KIAA1217: variants seen among roughly 807,000 people sequenced by gnomAD.
KIAA1217 encodes the protein KIAA1217.
A neutral mutation model predicts 163.9 loss-of-function variants in KIAA1217; 88 were observed. The observed-to-expected ratio is 0.54, with a 90% confidence interval of 0.45 to 0.64. The LOEUF (loss-of-function observed/expected upper bound fraction) is 0.64, where lower values mean the gene tolerates loss of function less well. KIAA1217 is among the 30% of genes least tolerant of loss of function. The pLI is 0.00. For synonymous variants in KIAA1217, 903 were observed against 923.1 expected, an observed-to-expected ratio of 0.98 and a Z score of 0.39; for missense variants, 2,372 against 2,475.0, an observed-to-expected ratio of 0.96 and a Z score of 0.88.
At chr10:23,860,591 A>G (rs1195766644) in intron 1 of KIAA1217, among the ~76,000 whole-genome samples, 1 of 152,154 alleles carries the variant, frequency 6.6e-6, no homozygotes, top group African/African-American at 2.4e-5. Flanking sequence ...TTCTTCCTTT[A>G]TGTGTAAACA....
At chr10:24,037,780 C>G (rs1337654426) in intron 2 of KIAA1217, among the ~76,000 whole-genome samples, 2 of 152,220 alleles carry the variant, frequency 1.3e-5, no homozygotes, top group Non-Finnish European at 2.9e-5. Flanking sequence ...TCATTGTGAT[C>G]TAATGGCTAC....
chr10:24,226,927 T>G (rs1276822964), intron 2 of KIAA1217, among the ~76,000 whole-genome samples: 1 of 152,022 alleles, frequency 6.6e-6, no homozygotes, highest in Non-Finnish European at 1.5e-5. Flanking sequence ...CCACTCCTAG[T>G]CTCAGAAACC....
chr10:23,954,706 C>G (rs1163641477), intron 1 of KIAA1217, among the ~76,000 whole-genome samples: 4 of 152,034 alleles, frequency 2.6e-5, no homozygotes, highest in Non-Finnish European at 4.4e-5. Flanking sequence ...ATTATCTGCT[C>G]TATGCTGGGA....
At chr10:24,427,754 C>T (rs781098964) in intron 3 of KIAA1217, among the ~76,000 whole-genome samples, 2 of 152,150 alleles carry the variant, frequency 1.3e-5, no homozygotes, top group Non-Finnish European at 2.9e-5. Context: ...TAACTTGGAG[C>T]GAGGAAGCCT....
At chr10:23,962,894 G>A (rs1194693246) in intron 1 of KIAA1217, among the ~76,000 whole-genome samples, 1 of 152,162 alleles carries the variant, frequency 6.6e-6, no homozygotes, top group Non-Finnish European at 1.5e-5. Flanking sequence ...AGCATACAGG[G>A]AGGTGGACAC....
intron 1 of KIAA1217, among the ~76,000 whole-genome samples, chr10:23,905,212 G>T (rs938075660): frequency 2.7e-5 from 4 of 149,210 alleles, no homozygotes; most frequent in Non-Finnish European, 4.4e-5. Flanking sequence ...TGCAGAGAGA[G>T]TTCTTGGGTG....
chr10:24,102,486 A>G (rs899420155), intron 2 of KIAA1217, among the ~76,000 whole-genome samples: 42 of 152,228 alleles, frequency 2.8e-4, no homozygotes, highest in African/African-American at 8.7e-4. Flanking sequence ...TATAGATTCA[A>G]TGAAATCCTA....
chr10:23,976,194 G>A (rs12249721), intron 1 of KIAA1217, among the ~76,000 whole-genome samples: 1 of 152,014 alleles, frequency 6.6e-6, no homozygotes, highest in African/African-American at 2.4e-5. Context: ...ATGAAGAATC[G>A]AGTTGCATCT....
chr10:24,547,258 G>A lies in KIAA1217; in HGVS notation c.*934G>A, dbSNP rs1050167129. On this transcript the variant is annotated 3_prime_UTR_variant, in exon 21 of 21. Transcript: ENST00000376454. ...ATACATAGACATAAAAATACTGTAT[G>A]TGACAGCACATAGAGTAGTTTTCCC... The A allele has an allele frequency of 5.2e-5, 8 of 152,460 alleles. No individual in the cohort carries two copies. Among genetic ancestry groups the A allele is most frequent in the African/African-American group, 1.4e-4 (6 of 41,412 alleles). 9.4% of individuals were successfully genotyped at this position (152,460 alleles called of 1,614,324 possible). A position where few individuals can be genotyped will look rare whatever the true frequency, so the allele number is the denominator to read the frequency against.
intron 1 of KIAA1217, among the ~76,000 whole-genome samples, chr10:24,209,782 A>G (rs1049151629): frequency 1.3e-5 from 2 of 152,228 alleles, no homozygotes; most frequent in Non-Finnish European, 2.9e-5. Context: ...GGGCTTGAGC[A>G]TCTGGGTGAT....
At chr10:23,770,441 C>T (rs1192829927) in intron 1 of KIAA1217, among the ~76,000 whole-genome samples, 1 of 152,238 alleles carries the variant, frequency 6.6e-6, no homozygotes, top group African/African-American at 2.4e-5. Flanking sequence ...CAATTTCTAC[C>T]AGCTACTCAC....
At chr10:23,906,199 G>A (rs989473575) in intron 1 of KIAA1217, among the ~76,000 whole-genome samples, 19 of 151,876 alleles carry the variant, frequency 1.3e-4, no homozygotes, top group African/African-American at 4.6e-4. Context: ...GTTGCATTGG[G>A]GATTAAGTTG....
chr10:23,791,185 A>G (rs1835931814), intron 1 of KIAA1217, among the ~76,000 whole-genome samples: 1 of 152,224 alleles, frequency 6.6e-6, no homozygotes. Flanking sequence ...TAATAATCAT[A>G]TGATTTCTGG....
intron 2 of KIAA1217, among the ~76,000 whole-genome samples, chr10:24,347,856 C>T (rs1272270162): frequency 1.3e-5 from 2 of 152,128 alleles, no homozygotes; most frequent in Admixed American, 6.5e-5. Flanking sequence ...TATACAAATA[C>T]ATTGTGAAAT....
rs1156651786 is a variant in KIAA1217, at chr10:24,112,919, C to T, written c.-171+105545C>T. Reference sequence around the variant, plus strand: ...TGTTCTTATAAGAAGAAGGGCCACACAGAGACACAGGAGAATGCCATGTGA... The same window carrying T: ...TGTTCTTATAAGAAGAAGGGCCACATAGAGACACAGGAGAATGCCATGTGA... On this transcript the variant is annotated intron_variant, in intron 2 of 18. Coordinates refer to the KIAA1217 transcript ENST00000376462. Among the ~76,000 whole-genome samples the T allele has an allele frequency of 2.0e-5, 3 of 152,050 alleles. No individual in the cohort carries two copies. In the East Asian group the frequency reaches 5.8e-4, roughly 29 times the overall value.
At chr10:23,882,406 CAA>C (rs1840990084) in intron 1 of KIAA1217, among the ~76,000 whole-genome samples, 1 of 151,806 alleles carries the variant, frequency 6.6e-6, no homozygotes, top group Admixed American at 6.6e-5. Flanking sequence ...ATCCCATCAA[CAA>C]GAGAGAGGAA....
At chr10:24,323,787 T>TTGTGTGTGTG (rs1564471877) in intron 2 of KIAA1217, among the ~76,000 whole-genome samples, 5 of 106,528 alleles carry the variant, frequency 4.7e-5, no homozygotes, top group Admixed American at 3.7e-4. Flanking sequence ...TGTTTTCTCT[T>TTGTGTGTGTG]CGTGTGTGTG....
chr10:24,544,252 A>G lies in KIAA1217; in HGVS notation c.4982A>G (p.Asn1661Ser), dbSNP rs1194783904. 6.2e-7 allele frequency: 1 copy of G among 1,614,150 alleles called. No individual in the cohort carries two copies. Among genetic ancestry groups the G allele is most frequent in the African/African-American group, 1.3e-5 (1 of 75,036 alleles). ...TCAAGAACTGATGAAATTAGAAAAA[A>G]CACCTACAGAACATTGGATAGCCTG... The part of the protein sequence containing the change: ...PISRTDEIRK[N>S]TYRTLDSLEQ... The change falls in exon 19 of 21, where the codon AAC becomes AGC. Residue 1661 changes from asparagine (N) to serine (S), a missense_variant. By Grantham distance (46) the Asn-to-Ser change is conservative. This residue lies in a region of KIAA1217 where 690 missense variants were observed against 677.5 expected (regional missense o/e 1.02). Transcript: ENST00000376454.
intron 1 of KIAA1217, among the ~76,000 whole-genome samples, chr10:23,757,337 G>A (rs939265389): frequency 2.0e-5 from 3 of 151,924 alleles, no homozygotes; most frequent in African/African-American, 7.3e-5. Context: ...ACTCCCATCA[G>A]CATTGCACAA....
Sources: gnomAD v4.1 joint callset for allele counts (sites outside exome capture counted in the v4.1 genomes callset) on GRCh38, gnomAD v4.1.1 for gene constraint, gnomAD v4.1.1 regional missense constraint, MANE v1.5 for transcripts, NCBI Gene and HGNC (gene_info 2026-07-23, HGNC 2026-07-21) for gene names.